CD6: variants seen among roughly 807,000 people sequenced by gnomAD.
CD6 encodes T-cell differentiation antigen CD6.
Under a neutral mutation model 75.3 loss-of-function variants are expected in CD6, and 53 were observed. The ratio of observed to expected loss-of-function variants is 0.70; its 90% CI spans 0.56 to 0.88. The LOEUF is 0.88. Among genes scored for constraint, CD6 ranks in the 40% least tolerant of loss-of-function variants. CD6 has a pLI of 0.00. For synonymous variants in CD6, 359 were observed against 381.5 expected, an observed-to-expected ratio of 0.94 and a Z score of 0.69; for missense variants, 770 against 897.1, an observed-to-expected ratio of 0.86 and a Z score of 1.81.
Position 61,018,025 on chromosome 11 carries a change from C to G in CD6, c.1837+12C>G, listed in dbSNP as rs756466675. 2.5e-6 allele frequency: 4 copies of G among 1,608,902 alleles called. No individual in the cohort carries two copies. In the East Asian group the frequency reaches 8.9e-5, roughly 36 times the overall value. On this transcript the variant is annotated intron_variant, in intron 11 of 12. Coordinates refer to ENST00000313421, the MANE Select transcript of CD6 (RefSeq NM_006725.5). ...GCCAGCCTTTTCAGGTAAGCTGTGC[C>G]TCCCCCAAACCCCCATCCCATAGCC...
chr11:60,985,180 T>TA (rs930496406), intron 1 of CD6: 1 of 132,712 alleles, frequency 7.5e-6, no homozygotes, highest in African/African-American at 2.8e-5. Flanking sequence ...ACTCCTTTTT[T>TA]TTTTTTTTTT....
intron 1 of CD6, chr11:60,985,026 T>G (rs1308748442): frequency 1.3e-5 from 2 of 152,178 alleles, no homozygotes; most frequent in Non-Finnish European, 2.9e-5. Context: ...ACTTAAGAAT[T>G]TTGTACATCA....
At chr11:61,011,657 G>A (rs598206) in intron 6 of CD6, among the ~76,000 whole-genome samples, 91 of 152,210 alleles carry the variant, frequency 6.0e-4, no homozygotes, top group Non-Finnish European at 2.1e-4. Flanking sequence ...CTGAGGCTCC[G>A]AGGCTGAAGT....
At chr11:60,984,667 G>A (rs894501150) in intron 1 of CD6, among the ~76,000 whole-genome samples, 2 of 152,230 alleles carry the variant, frequency 1.3e-5, no homozygotes, top group African/African-American at 4.8e-5. Context: ...AGAGGGATAT[G>A]TGCACCAAGG....
intron 1 of CD6, among the ~76,000 whole-genome samples, chr11:60,988,233 G>A (rs938382537): frequency 1.3e-5 from 2 of 152,190 alleles, no homozygotes; most frequent in African/African-American, 2.4e-5. Flanking sequence ...AAGACGGTGC[G>A]TGCTGTATAC....
intron 1 of CD6, among the ~76,000 whole-genome samples, chr11:60,998,335 T>TGGG (rs1858404720): frequency 6.6e-6 from 1 of 152,212 alleles, no homozygotes; most frequent in African/African-American, 2.4e-5. Context: ...ATACAGTAAG[T>TGGG]GCTCAAGAGA....
In CD6 at chr11:61,007,485, A is replaced by C; in HGVS notation, c.119-75A>C. The C allele has an allele frequency of 1.7e-6, 2 of 1,161,458 alleles. No individual in the cohort carries two copies. The highest frequency in any genetic ancestry group is 2.1e-5 in the South Asian group (1 of 47,762). 71.9% of individuals were successfully genotyped at this position (1,161,458 alleles called of 1,614,324 possible). ...CAGGGCGTTGTCAAAGTTCACGCACAGAGTCAGTGGCAGAGCCTGGGCAAC... is the reference window on the plus strand; with the variant it reads ...CAGGGCGTTGTCAAAGTTCACGCACCGAGTCAGTGGCAGAGCCTGGGCAAC... On this transcript the variant is annotated intron_variant, in intron 2 of 12. Transcript: ENST00000313421. This position sits in a 1 kb window ranked among gnomAD's most constrained non-coding sequence, Gnocchi z 4.2.
chr11:61,012,133 G>A (rs1282912963), intron 6 of CD6, among the ~76,000 whole-genome samples: 4 of 152,198 alleles, frequency 2.6e-5, no homozygotes, highest in Non-Finnish European at 5.9e-5. Context: ...AGAGGGCACA[G>A]AGGCCTTAGC....
Position 61,019,322 on chromosome 11 carries a change from G to C in CD6, c.*4G>C. The C allele has an allele frequency of 6.2e-7, 1 of 1,604,540 alleles. No homozygotes were observed. Among genetic ancestry groups the C allele is most frequent in the Non-Finnish European group, 8.5e-7 (1 of 1,179,066 alleles). The stretch of plus-strand genomic sequence containing the variant: ...CGATGACATCAGCGCAGCCTAGGCC[G>C]GGGCCAGCCGAGGCTCCTGGGGTGG... On this transcript the variant is annotated 3_prime_UTR_variant, in exon 13 of 13. Transcript: ENST00000313421.
intron 11 of CD6, 24 bp from the exon 12 acceptor site, chr11:61,018,265 G>A: frequency 6.4e-7 from 1 of 1,556,546 alleles, no homozygotes; most frequent in East Asian, 2.4e-5. Flanking sequence ...CTGGCAGAGG[G>A]TGACTGGTTC....
chr11:60,992,327 T>C (rs1416731858), intron 1 of CD6, among the ~76,000 whole-genome samples: 1 of 136,862 alleles, frequency 7.3e-6, no homozygotes, highest in Non-Finnish European at 1.6e-5. Flanking sequence ...GCCCAGCTTG[T>C]GAGGCTTTTT....
intron 1 of CD6, chr11:60,988,091 CAGATT>C (rs1857901205): frequency 6.6e-6 from 1 of 152,216 alleles, no homozygotes; most frequent in Non-Finnish European, 1.5e-5. Flanking sequence ...AGTGTGAGAT[CAGATT>C]AGAGAGACTG....
intron 1 of CD6, among the ~76,000 whole-genome samples, chr11:60,979,457 T>C (rs1350173523): frequency 6.6e-6 from 1 of 151,006 alleles, no homozygotes; most frequent in Non-Finnish European, 1.5e-5. Flanking sequence ...ATATTTTGTT[T>C]TGTTTTCTTT....
chr11:60,986,974 A>G (rs1857843442), intron 1 of CD6, among the ~76,000 whole-genome samples: 1 of 152,176 alleles, frequency 6.6e-6, no homozygotes, highest in Admixed American at 6.5e-5. Flanking sequence ...CTAAAAATAC[A>G]AAAACTAGTT....
At chr11:60,988,508 C>T (rs1181689006) in intron 1 of CD6, among the ~76,000 whole-genome samples, 1 of 152,108 alleles carries the variant, frequency 6.6e-6, no homozygotes, top group Non-Finnish European at 1.5e-5. Flanking sequence ...GAGGAGGGGG[C>T]TGTTGTTAGG....
rs192703555 is a variant in CD6, at chr11:60,989,202, C to T, written c.49+17288C>T. 17 of 152,278 alleles carry T rather than the reference C, an allele frequency of 1.1e-4. No individual in the cohort carries two copies. The East Asian group carries it at 1.5e-3, about 14-fold the overall frequency. The allele number at this position is 152,278 out of a possible 1,614,324, so 9.4% of individuals were successfully genotyped here. A position where few individuals can be genotyped will look rare whatever the true frequency, so the allele number is the denominator to read the frequency against. On this transcript the variant is annotated intron_variant, in intron 1 of 12. Transcript: ENST00000313421. ...CTCTATCAATGCCAGGCTATGTGAC[C>T]GTGGGCTAGGAACTTAATTTCCCTG...
Position 61,013,513 on chromosome 11 carries a change from G to C in CD6, c.1241G>C (p.Gly414Ala). Reference sequence around the variant, plus strand: ...ATCGTTCTGGGAATTCTCCTCCTTGGCTCCCTCATCTTCATAGCCTTCATC... The same window carrying C: ...ATCGTTCTGGGAATTCTCCTCCTTGCCTCCCTCATCTTCATAGCCTTCATC... ...PSIVLGILLL[G>A]SLIFIAFILL... The change falls in exon 7 of 13, where the codon GGC (glycine) becomes GCC (alanine). Residue 414 changes from glycine (G) to alanine (A), a missense_variant. Physicochemically the swap from Gly to Ala is moderately conservative, Grantham distance 60. Coordinates refer to ENST00000313421, the MANE Select transcript of CD6 (RefSeq NM_006725.5). The C allele has an allele frequency of 6.2e-7, 1 of 1,614,054 alleles. No homozygotes were observed. Among genetic ancestry groups the C allele is most frequent in the Non-Finnish European group, 8.5e-7 (1 of 1,179,960 alleles).
intron 1 of CD6, among the ~76,000 whole-genome samples, chr11:60,982,073 G>GC (rs1440653409): frequency 6.7e-6 from 1 of 149,058 alleles, no homozygotes; most frequent in African/African-American, 2.5e-5. Flanking sequence ...GGTGGCGGGG[G>GC]GGGGGGTTCT....
intron 1 of CD6, among the ~76,000 whole-genome samples, chr11:60,974,079 G>C (rs1283902149): frequency 2.0e-5 from 3 of 152,192 alleles, no homozygotes; most frequent in Non-Finnish European, 4.4e-5. Context: ...CCATATTGGG[G>C]AAAGGAGACT....
Sources: allele counts gnomAD v4.1 joint callset (sites outside exome capture counted in the v4.1 genomes callset), GRCh38; gene constraint gnomAD v4.1.1; non-coding constraint Gnocchi (gnomAD v3.1); transcripts MANE v1.5; gene names NCBI Gene and HGNC (gene_info 2026-07-23, HGNC 2026-07-21).